Variants in CD9 observed in about 807,000 individuals in gnomAD.
The protein encoded by CD9 is CD9 antigen.
In CD9, 10 loss-of-function variants were observed where a neutral mutation model predicts 31.4. That is an observed-to-expected ratio of 0.32 (90% CI 0.20 to 0.54). The LOEUF (loss-of-function observed/expected upper bound fraction) is 0.54, where lower values mean the gene tolerates loss of function less well. Ranked by LOEUF, CD9 falls within the 20% of genes least tolerant of loss-of-function variation. The pLI, the probability that CD9 is intolerant of heterozygous loss-of-function variation, is 0.94. For missense variants in CD9, 259 were observed against 300.1 expected, an observed-to-expected ratio of 0.86 and a Z score of 1.01; for synonymous variants, 113 against 114.1, an observed-to-expected ratio of 0.99 and a Z score of 0.06.
In CD9 at chr12:6,232,759, AC is replaced by A. The variant is rs889933851; in HGVS notation, c.273+33del. On this transcript the variant is annotated intron_variant, in intron 3 of 7. Coordinates refer to ENST00000009180, the MANE Select transcript of CD9 (RefSeq NM_001769.4). The surrounding 1 kb of genome is among the most constrained non-coding windows in gnomAD (Gnocchi z 4.8). ...GTATCCCCTCGGCATCCCCACAGCCACCCTGACTCCCACCAACAAAAACCTC... is the reference window on the plus strand; with the variant it reads ...GTATCCCCTCGGCATCCCCACAGCCACCTGACTCCCACCAACAAAAACCTC... 2.1e-5 allele frequency: 30 copies of A among 1,416,122 alleles called. No homozygotes were observed. The highest frequency in any genetic ancestry group is 7.9e-5 in the Admixed American group (4 of 50,620). 87.7% of individuals were successfully genotyped at this position (1,416,122 alleles called of 1,614,324 possible).
rs867896574 is a variant in CD9, at chr12:6,200,891, A to C, written c.66+326A>C. 19 of 261,198 alleles carry C rather than the reference A, an allele frequency of 7.3e-5. No homozygotes were observed. The South Asian group carries it at 1.9e-3, about 26-fold the overall frequency. The allele number at this position is 261,198 out of a possible 1,614,324, so 16.2% of individuals were successfully genotyped here. A position where few individuals can be genotyped will look rare whatever the true frequency, so the allele number is the denominator to read the frequency against. On this transcript the variant is annotated intron_variant, in intron 1 of 7. Transcript: ENST00000009180. Reference sequence around the variant, plus strand: ...TGAGCTGGGGTGTGTGTCTGCTCCCAGCTCAAGTCCCTCCGAGTGCCAGAG... The same window carrying C: ...TGAGCTGGGGTGTGTGTCTGCTCCCCGCTCAAGTCCCTCCGAGTGCCAGAG...
At chr12:6,216,666 C>A (rs1946245664) in intron 1 of CD9, among the ~76,000 whole-genome samples, 1 of 152,192 alleles carries the variant, frequency 6.6e-6, no homozygotes, top group Non-Finnish European at 1.5e-5. Context: ...CTTAGTGGAG[C>A]TCTGGATGGC....
At chr12:6,203,626 C>T (rs975766696) in intron 1 of CD9, among the ~76,000 whole-genome samples, 2 of 152,220 alleles carry the variant, frequency 1.3e-5, no homozygotes, top group Non-Finnish European at 1.5e-5. Context: ...TCTTCCACCA[C>T]CTCCAGAACC....
chr12:6,227,001 C>A (rs1036989221), intron 2 of CD9, among the ~76,000 whole-genome samples: 1 of 152,142 alleles, frequency 6.6e-6, no homozygotes, highest in African/African-American at 2.4e-5. Flanking sequence ...TAAGCAAAAG[C>A]CCTGTGGCCG....
upstream of CD9, chr12:6,200,340 A>G: frequency 2.4e-6 from 1 of 422,440 alleles, no homozygotes; most frequent in African/African-American, 2.1e-5. Flanking sequence ...TGCGCACCGC[A>G]GCGGGTCGCG....
chr12:6,228,283 TC>T (rs1185017186), intron 2 of CD9, among the ~76,000 whole-genome samples: 1 of 152,024 alleles, frequency 6.6e-6, no homozygotes, highest in African/African-American at 2.4e-5. Context: ...TCTCAGGTGA[TC>T]CGTCCGCCTC....
intron 1 of CD9, among the ~76,000 whole-genome samples, chr12:6,219,000 G>T (rs1565422810): frequency 6.6e-6 from 1 of 151,964 alleles, no homozygotes; most frequent in Non-Finnish European, 1.5e-5. Context: ...TGCATGGGTT[G>T]TTTTTTTGTT....
In CD9 at chr12:6,232,405, G is replaced by A. The variant is rs1946457546; in HGVS notation, c.176-227G>A. 1 of 599,118 alleles carries A rather than the reference G, an allele frequency of 1.7e-6. No individual in the cohort carries two copies. Among genetic ancestry groups the A allele is most frequent in the African/African-American group, 1.9e-5 (1 of 53,860 alleles). The allele number at this position is 599,118 out of a possible 1,614,324, so 37.1% of individuals were successfully genotyped here. On this transcript the variant is annotated intron_variant, in intron 2 of 7. Transcript: ENST00000009180. This position sits in a 1 kb window ranked among gnomAD's most constrained non-coding sequence, Gnocchi z 4.8. ...AGGGCTGAGGGTAAGGTAGGAGCGT[G>A]AGCTTGATGAAGCAGAGTCATGCAA... is the stretch of plus-strand genomic sequence containing the variant.
chr12:6,219,000 GT>G (rs1444413796), intron 1 of CD9, among the ~76,000 whole-genome samples: 2 of 151,964 alleles, frequency 1.3e-5, no homozygotes, highest in Non-Finnish European at 2.9e-5. Context: ...TGCATGGGTT[GT>G]TTTTTTGTTG....
At chr12:6,235,845 C>G in intron 6 of CD9, 1 of 1,370,526 alleles carries the variant, frequency 7.3e-7, no homozygotes, top group African/African-American at 1.5e-5. Flanking sequence ...GTCTTGGACT[C>G]CCACTCTGAC....
At chr12:6,235,012 C>T (rs151181295) in intron 4 of CD9, among the ~76,000 whole-genome samples, 6 of 152,254 alleles carry the variant, frequency 3.9e-5, no homozygotes, top group Non-Finnish European at 5.9e-5. Flanking sequence ...AGAAACAGCC[C>T]GAGTGGGTTT....
At chr12:6,234,936 TCAATTTAGGAGC>T (rs1159679546) in intron 4 of CD9, among the ~76,000 whole-genome samples, 5 of 152,180 alleles carry the variant, frequency 3.3e-5, no homozygotes, top group African/African-American at 1.2e-4. Flanking sequence ...TCATAGAGAT[TCAATTTAGGAGC>T]CAAGTTAGGA....
chr12:6,233,949 C>G lies in CD9; in HGVS notation c.348+463C>G, dbSNP rs1946483946. ...GTCCACAGATGTTTGAACTATGGGC[C>G]CCACATCCGGAGACTTGGCCATCTA... On this transcript the variant is annotated intron_variant, in intron 4 of 7. Coordinates refer to ENST00000009180, the MANE Select transcript of CD9 (RefSeq NM_001769.4). Among the ~76,000 whole-genome samples, 3 of 148,376 alleles carry G rather than the reference C, an allele frequency of 2.0e-5. No individual in the cohort carries two copies. In the Admixed American group the frequency reaches 2.1e-4, roughly 10 times the overall value.
At chr12:6,236,342 C>T (rs1946524260) in intron 7 of CD9, 67 bp downstream of exon 7, 2 of 1,388,582 alleles carry the variant, frequency 1.4e-6, no homozygotes, top group South Asian at 1.2e-5. Flanking sequence ...CCATGCTCTA[C>T]CCAGACACCG....
chr12:6,201,961 C>A (rs751128750), intron 1 of CD9, among the ~76,000 whole-genome samples: 1 of 152,186 alleles, frequency 6.6e-6, no homozygotes, highest in Non-Finnish European at 1.5e-5. Context: ...TGGCATGAGC[C>A]TGGGAGGTCA....
intron 1 of CD9, among the ~76,000 whole-genome samples, chr12:6,215,793 A>G (rs1340525564): frequency 6.6e-6 from 1 of 152,234 alleles, no homozygotes; most frequent in Non-Finnish European, 1.5e-5. Flanking sequence ...CCCTGTTGTC[A>G]TCTAGAAATT....
chr12:6,208,439 C>T (rs1946155898), intron 1 of CD9, among the ~76,000 whole-genome samples: 1 of 152,300 alleles, frequency 6.6e-6, no homozygotes, highest in Non-Finnish European at 1.5e-5. Flanking sequence ...CAACACAATA[C>T]ATGGGTCATA....
At position 6,235,509 on chromosome 12, in the gene CD9, C is replaced by G; in HGVS notation, c.481C>G (p.Gln161Glu). The change falls in exon 6 of 8, where the codon CAG (glutamine) becomes GAG (glutamate). Residue 161 changes from glutamine (Q) to glutamate (E), a missense_variant. Coordinates refer to ENST00000009180, the MANE Select transcript of CD9 (RefSeq NM_001769.4). ...CTGTGGTTTGGCTGGGGGCGTGGAA[C>G]AGTTTATCTCAGACATCTGCCCCAA... ...NCCGLAGGVEQFISDICPKKD... is the reference protein window; with the variant it reads ...NCCGLAGGVEEFISDICPKKD... 1.9e-6 allele frequency: 3 copies of G among 1,614,020 alleles called. No homozygotes were observed. The highest frequency in any genetic ancestry group is 2.5e-6 in the Non-Finnish European group (3 of 1,179,864).
At position 6,234,962 on chromosome 12, in the gene CD9, A is replaced by C. The variant is rs562230020; in HGVS notation, c.349-267A>C. The stretch of plus-strand genomic sequence containing the variant: ...CAATTTAGGAGCCAAGTTAGGAGCC[A>C]AGTAGAGCTGAAGGACTGACCAAAG... On this transcript the variant is annotated intron_variant, in intron 4 of 7. Transcript: ENST00000009180. Among the ~76,000 whole-genome samples, 5 of 152,326 alleles carry C rather than the reference A, an allele frequency of 3.3e-5. No individual in the cohort carries two copies. The South Asian group carries it at 1.0e-3, about 32-fold the overall frequency.
Sources: gnomAD v4.1 joint callset for allele counts (sites outside exome capture counted in the v4.1 genomes callset) on GRCh38, gnomAD v4.1.1 for gene constraint, Gnocchi (gnomAD v3.1) non-coding constraint, MANE v1.5 for transcripts, NCBI Gene and HGNC (gene_info 2026-07-23, HGNC 2026-07-21) for gene names.